TMED3: variants seen among roughly 807,000 people sequenced by gnomAD.
TMED3 encodes the protein transmembrane emp24 domain-containing protein 3.
Under a neutral mutation model 15.0 loss-of-function variants are expected in TMED3, and 9 were observed. The ratio of observed to expected loss-of-function variants is 0.60; its 90% CI spans 0.36 to 1.04. The LOEUF is 1.04. Among genes scored for constraint, TMED3 ranks in the 50% least tolerant of loss-of-function variants. The probability of loss-of-function intolerance (pLI) is 0.01; values close to 1 mark genes in which losing one functional copy is unlikely to be tolerated. For missense variants in TMED3, 267 were observed against 278.9 expected (o/e 0.96, Z 0.30); for synonymous variants, 117 against 121.4 (o/e 0.96, Z 0.24).
At chr15:79,387,678 C>T (rs1893644441) in intron 2 of TMED3, among the ~76,000 whole-genome samples, 1 of 152,064 alleles carries the variant, frequency 6.6e-6, no homozygotes, top group Non-Finnish European at 1.5e-5. Flanking sequence ...ACATTGAATC[C>T]ATAGGTTGAT....
At chr15:79,379,003 G>A (rs1360604041) in intron 2 of TMED3, among the ~76,000 whole-genome samples, 3 of 152,092 alleles carry the variant, frequency 2.0e-5, no homozygotes, top group Non-Finnish European at 4.4e-5. Flanking sequence ...CAATGTTGTT[G>A]AAATCAAATA....
chr15:79,375,739 C>T (rs575207974), intron 2 of TMED3, among the ~76,000 whole-genome samples: 105 of 152,240 alleles, frequency 6.9e-4, no homozygotes, highest in South Asian at 4.6e-3. Flanking sequence ...GAACTCCATC[C>T]GCATGAGCCA....
At chr15:79,343,147 A>G (rs2058857442) in intron 2 of TMED3, among the ~76,000 whole-genome samples, 1 of 152,192 alleles carries the variant, frequency 6.6e-6, no homozygotes, top group African/African-American at 2.4e-5. Flanking sequence ...GTGGTTAAAA[A>G]GTGAAGTTCA....
At chr15:79,392,722 G>A (rs1222429919) in intron 2 of TMED3, among the ~76,000 whole-genome samples, 1 of 152,066 alleles carries the variant, frequency 6.6e-6, no homozygotes, top group Non-Finnish European at 1.5e-5. Flanking sequence ...TTTTGTTCTG[G>A]ACTTCATATT....
intron 2 of TMED3, among the ~76,000 whole-genome samples, chr15:79,409,508 C>A (rs1382922447): frequency 6.6e-6 from 1 of 152,140 alleles, no homozygotes; most frequent in Non-Finnish European, 1.5e-5. Flanking sequence ...TGCAAATGGG[C>A]CCGCTAACAT....
intron 2 of TMED3, among the ~76,000 whole-genome samples, chr15:79,357,335 A>T: frequency 6.6e-6 from 1 of 151,666 alleles, no homozygotes; most frequent in East Asian, 1.9e-4. Context: ...AAAAAAAAAA[A>T]ATTGCCAAGC....
At chr15:79,375,534 T>G (rs1893408677) in intron 2 of TMED3, among the ~76,000 whole-genome samples, 1 of 152,126 alleles carries the variant, frequency 6.6e-6, no homozygotes, top group South Asian at 2.1e-4. Flanking sequence ...CTATAGAGTA[T>G]CCACTTCTGG....
At chr15:79,344,396 T>G (rs1422832365) in intron 2 of TMED3, among the ~76,000 whole-genome samples, 7 of 152,214 alleles carry the variant, frequency 4.6e-5, no homozygotes, top group African/African-American at 9.6e-5. Context: ...TTGGCAGGGT[T>G]GGCTCCTTCC....
chr15:79,350,547 C>T (rs1282451559), intron 2 of TMED3, among the ~76,000 whole-genome samples: 1 of 152,152 alleles, frequency 6.6e-6, no homozygotes, highest in Non-Finnish European at 1.5e-5. Context: ...GAAGGCTCAG[C>T]AAGTCTGCTC....
In TMED3 at chr15:79,322,189, C is replaced by A. The variant is rs769154009; in HGVS notation, c.629C>A (p.Pro210His). The change falls in exon 3 of 3, where the codon CCC (proline) becomes CAC (histidine). Residue 210 changes from proline (P) to histidine (H), a missense_variant. Physicochemically the swap from Pro to His is moderately conservative, Grantham distance 77. Around this residue, in one of 3 missense-constraint regions of TMED3, gnomAD observed 139 missense variants for 125.0 expected, o/e 1.11. Coordinates refer to ENST00000299705, the MANE Select transcript of TMED3 (RefSeq NM_007364.4). Reference protein sequence around the residue: ...LLKSFFTEKRPISRAVHS With the variant: ...LLKSFFTEKRHISRAVHS ...AAAAGCTTCTTCACAGAAAAACGAC[C>A]CATCAGCAGGGCAGTCCACTCCTAG... 1.9e-6 allele frequency: 3 copies of A among 1,614,010 alleles called. No homozygotes were observed. The highest frequency in any genetic ancestry group is 2.5e-6 in the Non-Finnish European group (3 of 1,179,956).
chr15:79,391,530 TAG>T (rs1344281504), intron 2 of TMED3, among the ~76,000 whole-genome samples: 2 of 152,170 alleles, frequency 1.3e-5, no homozygotes, highest in Non-Finnish European at 2.9e-5. Context: ...CGCTATTGAA[TAG>T]AATGTGTATT....
At chr15:79,372,873 C>G (rs931064378) in intron 2 of TMED3, among the ~76,000 whole-genome samples, 1 of 152,206 alleles carries the variant, frequency 6.6e-6, no homozygotes, top group African/African-American at 2.4e-5. Context: ...AGTGCCCCTT[C>G]TATACCCGTA....
At chr15:79,357,520 T>C (rs2058924278) in intron 2 of TMED3, among the ~76,000 whole-genome samples, 1 of 146,612 alleles carries the variant, frequency 6.8e-6, no homozygotes, top group Non-Finnish European at 1.5e-5. Flanking sequence ...TTTTAGAATT[T>C]AAACTTTTTT....
chr15:79,377,088 C>T (rs1301313462), intron 2 of TMED3, among the ~76,000 whole-genome samples: 1 of 152,138 alleles, frequency 6.6e-6, no homozygotes, highest in Non-Finnish European at 1.5e-5. Context: ...TTACAGGTGT[C>T]ATAAAAAAGT....
At chr15:79,369,708 C>G (rs1184735181) in intron 2 of TMED3, among the ~76,000 whole-genome samples, 1 of 152,198 alleles carries the variant, frequency 6.6e-6, no homozygotes. Flanking sequence ...TTGTTTTTGT[C>G]TTGGTCCATC....
chr15:79,410,068 C>T (rs934490616), intron 2 of TMED3, among the ~76,000 whole-genome samples: 6 of 151,908 alleles, frequency 3.9e-5, no homozygotes, highest in Non-Finnish European at 7.4e-5. Context: ...ATGAATTTTA[C>T]GCCGCACACA....
chr15:79,385,949 A>C (rs538516846), intron 2 of TMED3, among the ~76,000 whole-genome samples: 12 of 152,346 alleles, frequency 7.9e-5, no homozygotes, highest in Non-Finnish European at 1.5e-4. Flanking sequence ...ATTTCAGCCC[A>C]GGTCCACCAG....
At chr15:79,385,757 C>T (rs1026942169) in intron 2 of TMED3, among the ~76,000 whole-genome samples, 6 of 152,324 alleles carry the variant, frequency 3.9e-5, no homozygotes, top group Non-Finnish European at 5.9e-5. Flanking sequence ...GGGTCTGCAG[C>T]CACACTTTGG....
chr15:79,314,135 T>G (rs1172744527), intron 2 of TMED3, 130 bp downstream of exon 2: 1 of 1,255,208 alleles, frequency 8.0e-7, no homozygotes, highest in Non-Finnish European at 1.1e-6. Context: ...GGGTTGGTTT[T>G]GTCTCTTTCT....
Sources: allele counts gnomAD v4.1 joint callset (sites outside exome capture counted in the v4.1 genomes callset), GRCh38; gene constraint gnomAD v4.1.1; regional missense constraint gnomAD v4.1.1; transcripts MANE v1.5; gene names NCBI Gene and HGNC (gene_info 2026-07-23, HGNC 2026-07-21).